STXBP5L: variants seen among roughly 807,000 people sequenced by gnomAD.
STXBP5L encodes the protein syntaxin binding protein 5L.
A neutral mutation model predicts 144.5 loss-of-function variants in STXBP5L; 65 were observed. The ratio of observed to expected loss-of-function variants is 0.45; its 90% CI spans 0.37 to 0.55. STXBP5L has a LOEUF of 0.55. Ranked by LOEUF, STXBP5L falls within the 20% of genes least tolerant of loss-of-function variation. STXBP5L has a pLI of 0.00. For synonymous variants in STXBP5L, 505 were observed against 469.6 expected, an observed-to-expected ratio of 1.08 and a Z score of -0.97; for missense variants, 1,298 against 1,405.5, an observed-to-expected ratio of 0.92 and a Z score of 1.22.
chr3:121,074,608 C>T (rs192813960), intron 5 of STXBP5L, among the ~76,000 whole-genome samples: 1 of 152,242 alleles, frequency 6.6e-6, no homozygotes, highest in African/African-American at 2.4e-5. Flanking sequence ...CCCCTGGCAG[C>T]TTGAGAAATA....
intron 9 of STXBP5L, among the ~76,000 whole-genome samples, chr3:121,198,650 C>G (rs921425241): frequency 6.6e-6 from 1 of 151,970 alleles, no homozygotes; most frequent in African/African-American, 2.4e-5. Flanking sequence ...TCTTCTTGAG[C>G]TAATTTTTGT....
intron 3 of STXBP5L, among the ~76,000 whole-genome samples, chr3:120,962,533 A>T (rs1317959725): frequency 6.6e-6 from 1 of 152,178 alleles, no homozygotes; most frequent in Non-Finnish European, 1.5e-5. Context: ...TTAAATAGGG[A>T]ATCCTTTCCC....
chr3:121,255,217 G>A (rs2050165373), intron 16 of STXBP5L, 105 bp downstream of exon 16: 9 of 739,436 alleles, frequency 1.2e-5, no homozygotes, highest in Middle Eastern at 3.8e-4. Flanking sequence ...TGTGCAGTAT[G>A]TGGCTAGTAA....
chr3:121,397,174 C>T (rs931227580), intron 22 of STXBP5L, among the ~76,000 whole-genome samples: 2 of 152,246 alleles, frequency 1.3e-5, no homozygotes, highest in East Asian at 1.9e-4. Flanking sequence ...AAATGCAAAC[C>T]GTTCACATTC....
intron 22 of STXBP5L, among the ~76,000 whole-genome samples, chr3:121,386,904 C>T (rs2046440052): frequency 6.6e-6 from 1 of 152,114 alleles, no homozygotes; most frequent in Non-Finnish European, 1.5e-5. Flanking sequence ...ATTTATAATC[C>T]TTTGTGTATA....
intron 19 of STXBP5L, among the ~76,000 whole-genome samples, chr3:121,283,732 C>A (rs1052042694): frequency 2.0e-5 from 3 of 151,970 alleles, no homozygotes; most frequent in African/African-American, 7.2e-5. Flanking sequence ...TTTGCTGATT[C>A]CTGCTCTGTG....
At chr3:121,303,941 A>G (rs1227563783) in intron 19 of STXBP5L, among the ~76,000 whole-genome samples, 2 of 152,056 alleles carry the variant, frequency 1.3e-5, no homozygotes, top group East Asian at 1.9e-4. Context: ...TGATGAGTTA[A>G]TGGGTGCAGC....
chr3:121,071,463 C>T (rs1408107026), intron 5 of STXBP5L, among the ~76,000 whole-genome samples: 1 of 152,166 alleles, frequency 6.6e-6, no homozygotes, highest in Non-Finnish European at 1.5e-5. Context: ...TCAGCAGTGA[C>T]TTGGTTTCAC....
intron 9 of STXBP5L, 158 bp downstream of exon 9, chr3:121,157,785 T>C (rs374049322): frequency 1.1e-6 from 1 of 940,048 alleles, no homozygotes; most frequent in East Asian, 3.3e-5. Flanking sequence ...CCCAACATTG[T>C]ACCCCAAACT....
intron 25 of STXBP5L, among the ~76,000 whole-genome samples, chr3:121,417,394 T>C (rs2047263298): frequency 6.6e-6 from 1 of 152,132 alleles, no homozygotes. Flanking sequence ...AAATCTAGAA[T>C]CCATTCCAAT....
rs183523773 is a variant in STXBP5L, at chr3:121,189,783, T to C, written c.878-16140T>C. On this transcript the variant is annotated intron_variant, in intron 9 of 26. Coordinates refer to ENST00000471454, the MANE Select transcript of STXBP5L (RefSeq NM_001308330.2). ...TTTGATTCCCTTTATTACATTAAAT[T>C]ATACATTTGACTCATTTTTCCATAA... Among the ~76,000 whole-genome samples the C allele has an allele frequency of 2.3e-3, 354 of 152,288 alleles. 5 individuals carry two copies. Among genetic ancestry groups the C allele is most frequent in the African/African-American group, 8.2e-3 (339 of 41,564 alleles).
intron 22 of STXBP5L, among the ~76,000 whole-genome samples, chr3:121,384,909 C>G (rs2046393428): frequency 6.6e-6 from 1 of 151,892 alleles, no homozygotes; most frequent in Non-Finnish European, 1.5e-5. Flanking sequence ...TGTTAAAACT[C>G]ATTTTAAGTT....
chr3:121,079,529 T>A (rs2042165082), intron 5 of STXBP5L, among the ~76,000 whole-genome samples: 1 of 152,210 alleles, frequency 6.6e-6, no homozygotes, highest in Non-Finnish European at 1.5e-5. Context: ...ATTTTAAAAT[T>A]TCTATTACTG....
chr3:121,303,723 T>A (rs886768062), intron 19 of STXBP5L, among the ~76,000 whole-genome samples: 1 of 152,192 alleles, frequency 6.6e-6, no homozygotes, highest in African/African-American at 2.4e-5. Flanking sequence ...TTCATGTCCT[T>A]TGTAGGGACA....
intron 26 of STXBP5L, among the ~76,000 whole-genome samples, 171 bp from the exon 27 acceptor site, chr3:121,418,881 CTTGT>C (rs1260579832): frequency 3.2e-4 from 49 of 152,200 alleles, no homozygotes; most frequent in African/African-American, 1.0e-3. Flanking sequence ...GTCTTTACAG[CTTGT>C]TTATTTTTAA....
intron 7 of STXBP5L, among the ~76,000 whole-genome samples, chr3:121,137,457 C>T (rs1243337400): frequency 6.6e-6 from 1 of 152,122 alleles, no homozygotes; most frequent in South Asian, 2.1e-4. Context: ...TACCTGGATA[C>T]CAAAACCAGG....
At chr3:120,977,187 T>C (rs1941149476) in intron 3 of STXBP5L, among the ~76,000 whole-genome samples, 1 of 152,230 alleles carries the variant, frequency 6.6e-6, no homozygotes, top group African/African-American at 2.4e-5. Context: ...TCTAAGTCTC[T>C]TTGTAGGTCA....
intron 3 of STXBP5L, among the ~76,000 whole-genome samples, chr3:120,963,348 T>C (rs141528073): frequency 0.013 from 1,943 of 152,320 alleles, 22 homozygotes; most frequent in Non-Finnish European, 0.017. Context: ...ATCTCTGTCT[T>C]GTACCAGTTT....
At chr3:121,106,196 A>G (rs2043695107) in intron 5 of STXBP5L, among the ~76,000 whole-genome samples, 1 of 152,090 alleles carries the variant, frequency 6.6e-6, no homozygotes. Flanking sequence ...GTTAGATAGT[A>G]TGATTTGAAG....
Sources: allele counts gnomAD v4.1 joint callset (sites outside exome capture counted in the v4.1 genomes callset), GRCh38; gene constraint gnomAD v4.1.1; transcripts MANE v1.5; gene names NCBI Gene and HGNC (gene_info 2026-07-23, HGNC 2026-07-21).